The following COA8 variants were observed in gnomAD, a reference collection of about 807,000 sequenced individuals.
The protein encoded by COA8 is UPF0671 protein C14orf153.
In COA8, 20 loss-of-function variants were observed where a neutral mutation model predicts 22.0. That is an observed-to-expected ratio of 0.91 (90% CI 0.64 to 1.32). COA8 has a LOEUF of 1.32. COA8 is among the 40% of genes most tolerant of loss of function. The pLI is 0.00. For synonymous variants in COA8, 105 were observed against 79.9 expected (o/e 1.31, Z -1.68); for missense variants, 266 against 230.0 (o/e 1.16, Z -1.01).
chr14:103,571,515 C>T (rs1471680349), intron 1 of COA8, 108 bp from the exon 2 acceptor site: 2 of 1,147,226 alleles, frequency 1.7e-6, no homozygotes, highest in African/African-American at 1.6e-5. Flanking sequence ...TCCAGTCTGG[C>T]AACAGAGCGA....
intron 3 of COA8, 102 bp from the exon 4 acceptor site, chr14:103,587,172 T>TA (rs2076313950): frequency 2.5e-6 from 2 of 790,530 alleles, no homozygotes; most frequent in African/African-American, 3.5e-5. Context: ...ATTGGTCTTG[T>TA]ATATATCCTG....
intron 1 of COA8, among the ~76,000 whole-genome samples, chr14:103,566,404 A>C (rs1448394862): frequency 6.6e-6 from 1 of 152,176 alleles, no homozygotes; most frequent in African/African-American, 2.4e-5. Flanking sequence ...TGGGCGATGG[A>C]CCAAGACTCA....
intron 4 of COA8, among the ~76,000 whole-genome samples, chr14:103,589,460 A>C (rs2151189361): frequency 6.6e-6 from 1 of 152,228 alleles, no homozygotes; most frequent in South Asian, 2.1e-4. Flanking sequence ...GGGGTTTCCA[A>C]GGGCTCTCTT....
intron 2 of COA8, among the ~76,000 whole-genome samples, chr14:103,573,168 A>C (rs975614111): frequency 6.6e-6 from 1 of 151,582 alleles, no homozygotes; most frequent in African/African-American, 2.4e-5. Context: ...AAAACATTTA[A>C]CTTTTTTTTT....
intron 1 of COA8, chr14:103,563,411 G>C: frequency 1.8e-6 from 1 of 565,378 alleles, no homozygotes; most frequent in South Asian, 1.8e-5. Flanking sequence ...TTGTTCCCGA[G>C]AATGATTATT....
chr14:103,587,125 C>G (rs1370446911), intron 3 of COA8, 149 bp from the exon 4 acceptor site: 1 of 529,164 alleles, frequency 1.9e-6, no homozygotes, highest in Non-Finnish European at 3.4e-6. Flanking sequence ...TCAGACTGTT[C>G]ATTGCTAGTG....
chr14:103,584,332 C>T (rs1357872341), intron 3 of COA8, among the ~76,000 whole-genome samples: 1 of 152,122 alleles, frequency 6.6e-6, no homozygotes, highest in African/African-American at 2.4e-5. Context: ...AATCTCTACT[C>T]CCTCTCCTTT....
intron 3 of COA8, among the ~76,000 whole-genome samples, chr14:103,580,071 G>A (rs902253972): frequency 6.6e-6 from 1 of 151,896 alleles, no homozygotes; most frequent in Admixed American, 6.6e-5. Flanking sequence ...GGGAGGATGC[G>A]AGTAGGTTAT....
intron 3 of COA8, among the ~76,000 whole-genome samples, chr14:103,577,989 A>G (rs1439775351): frequency 7.2e-6 from 1 of 139,626 alleles, no homozygotes; most frequent in Non-Finnish European, 1.5e-5. Context: ...GCACCATTGC[A>G]CTCCAGCCTG....
chr14:103,573,628 C>T (rs1447670548), intron 2 of COA8, among the ~76,000 whole-genome samples: 2 of 152,252 alleles, frequency 1.3e-5, no homozygotes, highest in Middle Eastern at 3.4e-3. Flanking sequence ...TCTCGGCTCA[C>T]TGCAACCTCC....
chr14:103,588,264 C>T (rs1412862164), intron 4 of COA8: 1 of 397,042 alleles, frequency 2.5e-6, no homozygotes, highest in Non-Finnish European at 4.4e-6. Flanking sequence ...CCTGGAATCC[C>T]ATGACTTTGG....
intron 3 of COA8, among the ~76,000 whole-genome samples, chr14:103,583,882 C>T (rs1000544516): frequency 1.3e-5 from 2 of 152,226 alleles, no homozygotes. Context: ...TAGAATGGAT[C>T]ACAACATTCA....
chr14:103,563,293 C>T (rs931674895), intron 1 of COA8, 169 bp downstream of exon 1: 13 of 924,784 alleles, frequency 1.4e-5, no homozygotes, highest in African/African-American at 8.1e-5. Context: ...GCATCAACGC[C>T]CTCAGTCGGA....
At position 103,589,649 on chromosome 14, in the gene COA8, C is replaced by G. The variant is rs191513389; in HGVS notation, c.477-532C>G. On this transcript the variant is annotated intron_variant, in intron 4 of 4. Coordinates refer to ENST00000409074, the MANE Select transcript of COA8 (RefSeq NM_001370595.2). ...CCAAAGGAGGGGCCGGGTGCGGTGG[C>G]TCACACCTGTAATCCCAGAACTTTG... Among the ~76,000 whole-genome samples, 170 of 152,102 alleles carry G rather than the reference C, an allele frequency of 1.1e-3. 1 individual carries two copies. The highest frequency in any genetic ancestry group is 3.8e-3 in the African/African-American group (156 of 41,510).
intron 4 of COA8, among the ~76,000 whole-genome samples, chr14:103,589,620 A>T (rs1216110493): frequency 1.3e-5 from 2 of 152,002 alleles, no homozygotes; most frequent in Non-Finnish European, 2.9e-5. Context: ...AAACAAAAAA[A>T]ACTCCAAAGG....
intron 3 of COA8, among the ~76,000 whole-genome samples, chr14:103,582,415 C>G (rs572041968): frequency 1.4e-4 from 22 of 152,324 alleles, no homozygotes; most frequent in African/African-American, 5.1e-4. Flanking sequence ...GGCCACCGCC[C>G]TGGGAGTGCC....
chr14:103,570,984 G>C (rs139489533), intron 1 of COA8, among the ~76,000 whole-genome samples: 2 of 152,068 alleles, frequency 1.3e-5, no homozygotes, highest in Non-Finnish European at 2.9e-5. Flanking sequence ...CGTTGGACTT[G>C]CAAAAAACCT....
chr14:103,590,157 T>C (rs370572968), intron 4 of COA8, 24 bp from the exon 5 acceptor site: 21 of 1,602,898 alleles, frequency 1.3e-5, no homozygotes, highest in Middle Eastern at 3.3e-4. Flanking sequence ...CCGTGTCACC[T>C]GTGCATCCTC....
At chr14:103,582,343 C>A (rs1477944607) in intron 3 of COA8, among the ~76,000 whole-genome samples, 1 of 152,126 alleles carries the variant, frequency 6.6e-6, no homozygotes, top group Non-Finnish European at 1.5e-5. Context: ...CTCCCTGTAA[C>A]GGGCTGTGGG....
Sources: allele counts gnomAD v4.1 joint callset (sites outside exome capture counted in the v4.1 genomes callset), GRCh38; gene constraint gnomAD v4.1.1; transcripts MANE v1.5; gene names NCBI Gene and HGNC (gene_info 2026-07-23, HGNC 2026-07-21).